The following ABLIM2 variants were observed in gnomAD, a reference collection of about 807,000 sequenced individuals.
The protein encoded by ABLIM2 is actin binding LIM protein family member 2.
ABLIM2 carries 53 observed loss-of-function variants against 97.7 expected under a neutral mutation model. The ratio of observed to expected loss-of-function variants is 0.54; its 90% CI spans 0.44 to 0.68. The LOEUF is 0.68. Ranked by LOEUF, ABLIM2 falls within the 30% of genes least tolerant of loss-of-function variation. The probability of loss-of-function intolerance (pLI) is 0.00; values close to 1 mark genes in which losing one functional copy is unlikely to be tolerated. For missense variants in ABLIM2, 835 were observed against 867.2 expected, an observed-to-expected ratio of 0.96 and a Z score of 0.47; for synonymous variants, 361 against 345.8, an observed-to-expected ratio of 1.04 and a Z score of -0.49.
At chr4:7,990,208 T>C (rs1747604597) in intron 17 of ABLIM2, among the ~76,000 whole-genome samples, 1 of 152,114 alleles carries the variant, frequency 6.6e-6, no homozygotes, top group Admixed American at 6.6e-5. Context: ...ATGTAATATA[T>C]ATATTTTTTG....
At chr4:8,153,160 T>G (rs57826685) in intron 1 of ABLIM2, among the ~76,000 whole-genome samples, 4,197 of 152,212 alleles carry the variant, frequency 0.028, 198 homozygotes, top group African/African-American at 0.09. Flanking sequence ...TCTTGCCAAT[T>G]TCCTCTCGAG....
At chr4:8,066,500 A>G (rs1807840240) in intron 6 of ABLIM2, 1 of 152,210 alleles carries the variant, frequency 6.6e-6, no homozygotes, top group African/African-American at 2.4e-5. Flanking sequence ...GCGAAAGGAT[A>G]GAAACAGCCC....
chr4:8,153,326 C>G (rs1713747676), intron 1 of ABLIM2, among the ~76,000 whole-genome samples: 1 of 152,156 alleles, frequency 6.6e-6, no homozygotes, highest in Admixed American at 6.5e-5. Context: ...TACAAAATAT[C>G]CTATCTACCC....
At chr4:8,045,673 T>C (rs1475731533) in intron 8 of ABLIM2, among the ~76,000 whole-genome samples, 1 of 151,982 alleles carries the variant, frequency 6.6e-6, no homozygotes, top group Non-Finnish European at 1.5e-5. Flanking sequence ...AATAAATAAA[T>C]AAATAAATAA....
chr4:8,027,939 TACGA>T (rs1778454482), intron 11 of ABLIM2, 82 bp from the exon 12 acceptor site: 1 of 1,004,706 alleles, frequency 1.0e-6, no homozygotes, highest in Non-Finnish European at 1.4e-6. Context: ...CCCACTCTGC[TACGA>T]ACACTGTTGC....
chr4:8,045,859 C>G (rs139564272), intron 8 of ABLIM2, among the ~76,000 whole-genome samples: 2 of 152,220 alleles, frequency 1.3e-5, no homozygotes, highest in Non-Finnish European at 2.9e-5. Context: ...TATGGGGACT[C>G]GCTGCAGCTT....
chr4:8,060,873 C>T, intron 7 of ABLIM2, 94 bp downstream of exon 7: 2 of 1,112,030 alleles, frequency 1.8e-6, no homozygotes, highest in Non-Finnish European at 2.6e-6. Context: ...CGAGATGACA[C>T]TGTCACCAAC....
intron 14 of ABLIM2, among the ~76,000 whole-genome samples, chr4:8,017,439 G>A (rs963903609): frequency 1.3e-5 from 2 of 151,614 alleles, no homozygotes; most frequent in African/African-American, 4.8e-5. Flanking sequence ...GGTGCACATT[G>A]CCACACCTGG....
Position 8,008,931 on chromosome 4 carries a change from G to A in ABLIM2, c.1476+119C>T, listed in dbSNP as rs565125355. On this transcript the variant is annotated intron_variant, in intron 15 of 20. Transcript: ENST00000447017. The stretch of plus-strand genomic sequence containing the variant: ...AGGGCCTCCTACCTTTGGCCTCGCA[G>A]GGCCCCTAAGGAACAGAATGTAAGA... 81 of 1,218,860 alleles carry A rather than the reference G, an allele frequency of 6.6e-5. No individual in the cohort carries two copies. In the Middle Eastern group the frequency reaches 9.7e-4, roughly 15 times the overall value. The allele number at this position is 1,218,860 out of a possible 1,614,324, so 75.5% of individuals were successfully genotyped here.
chr4:8,105,836 G>T (rs946537712), intron 2 of ABLIM2, among the ~76,000 whole-genome samples: 1 of 152,218 alleles, frequency 6.6e-6, no homozygotes, highest in African/African-American at 2.4e-5. Context: ...AATTAGCAAG[G>T]GCACATGCGT....
chr4:7,993,901 C>A (rs758051943), intron 16 of ABLIM2: 1 of 509,558 alleles, frequency 2.0e-6, no homozygotes, highest in Non-Finnish European at 3.9e-6. Context: ...CCTGGGTGGG[C>A]CTGGGAGCTT....
intron 20 of ABLIM2, among the ~76,000 whole-genome samples, chr4:7,968,454 T>C (rs1478482217): frequency 6.6e-6 from 1 of 152,226 alleles, no homozygotes; most frequent in Non-Finnish European, 1.5e-5. Context: ...GACGAATAGA[T>C]ACACAGAATG....
chr4:8,158,646 G>T, intron 1 of ABLIM2, 34 bp downstream of exon 1: 1 of 1,504,232 alleles, frequency 6.6e-7, no homozygotes, highest in Non-Finnish European at 8.8e-7. Context: ...AGCCAGCGCG[G>T]GGACCCGTTG....
chr4:8,097,096 C>T lies in ABLIM2; in HGVS notation c.338+3G>A. The T allele has an allele frequency of 6.2e-7, 1 of 1,600,594 alleles. No individual in the cohort carries two copies. Among genetic ancestry groups the T allele is most frequent in the Non-Finnish European group, 8.5e-7 (1 of 1,172,224 alleles). On this transcript the variant is annotated splice_donor_region_variant and intron_variant, in intron 3 of 20. Transcript: ENST00000447017. ...AGCAGAGGCCAGGTGCCCACTTACT[C>T]ACCGGCAGACGGCACACACGAAGCA...
At chr4:7,978,294 C>T (rs1397034745) in intron 20 of ABLIM2, among the ~76,000 whole-genome samples, 1 of 152,034 alleles carries the variant, frequency 6.6e-6, no homozygotes, top group Non-Finnish European at 1.5e-5. Flanking sequence ...CTTGGCTGAG[C>T]CTGAGGAGGA....
chr4:8,080,400 C>G (rs1198098271), intron 5 of ABLIM2, among the ~76,000 whole-genome samples: 1 of 152,190 alleles, frequency 6.6e-6, no homozygotes, highest in Non-Finnish European at 1.5e-5. Context: ...ACTGGCAGCC[C>G]TGGTAGCTCT....
At position 7,970,836 on chromosome 4, in the gene ABLIM2, G is replaced by A. The variant is rs879401737; in HGVS notation, c.1825-3733C>T. Among the ~76,000 whole-genome samples, 10 of 152,082 alleles carry A rather than the reference G, an allele frequency of 6.6e-5. No individual in the cohort carries two copies. The highest frequency in any genetic ancestry group is 5.2e-4 in the Admixed American group (8 of 15,252). ...CAGACCACAGCAACAGGGAGGGGCC[G>A]GGGGTGTCCCGAGCATGTGGGCTGG... On this transcript the variant is annotated intron_variant, in intron 20 of 20. Coordinates refer to ENST00000447017, the MANE Select transcript of ABLIM2 (RefSeq NM_001130083.2). This position sits in a 1 kb window ranked among gnomAD's most constrained non-coding sequence, Gnocchi z 5.3.
intron 11 of ABLIM2, among the ~76,000 whole-genome samples, chr4:8,028,955 A>G (rs1579091700): frequency 6.6e-6 from 1 of 152,350 alleles, no homozygotes; most frequent in East Asian, 1.9e-4. Flanking sequence ...CCAGGAAGGA[A>G]GCAGCTTGGA....
chr4:8,121,767 G>A (rs182431990), intron 1 of ABLIM2, among the ~76,000 whole-genome samples: 13 of 152,324 alleles, frequency 8.5e-5, no homozygotes, highest in East Asian at 7.7e-4. Context: ...CAGGAAATGC[G>A]CTGAGTGACT....
Sources: allele counts gnomAD v4.1 joint callset (sites outside exome capture counted in the v4.1 genomes callset), GRCh38; gene constraint gnomAD v4.1.1; non-coding constraint Gnocchi (gnomAD v3.1); transcripts MANE v1.5; gene names NCBI Gene and HGNC (gene_info 2026-07-23, HGNC 2026-07-21).